Variants in MCU observed in about 807,000 individuals in gnomAD.
MCU encodes the protein calcium uniporter protein, mitochondrial.
Under a neutral mutation model 45.2 loss-of-function variants are expected in MCU, and 12 were observed. The ratio of observed to expected loss-of-function variants is 0.27; its 90% CI spans 0.17 to 0.43. MCU has a LOEUF of 0.43. Ranked by LOEUF, MCU falls within the 20% of genes least tolerant of loss-of-function variation. The pLI is 1.00. For synonymous variants in MCU, 160 were observed against 165.1 expected (o/e 0.97, Z 0.24); for missense variants, 324 against 436.7 (o/e 0.74, Z 2.30).
chr10:72,778,647 A>G (rs1437217364), intron 1 of MCU, among the ~76,000 whole-genome samples: 2 of 152,186 alleles, frequency 1.3e-5, no homozygotes, highest in Non-Finnish European at 2.9e-5. Context: ...TTGTTTTGTA[A>G]TAAACCAATA....
At chr10:72,693,780 T>G (rs1251437196) in intron 1 of MCU, among the ~76,000 whole-genome samples, 1 of 152,250 alleles carries the variant, frequency 6.6e-6, no homozygotes, top group East Asian at 1.9e-4. Context: ...CCTCTAGTTA[T>G]GTGTTTTGTT....
chr10:72,801,903 G>C (rs1188023395), intron 1 of MCU, among the ~76,000 whole-genome samples: 3 of 151,900 alleles, frequency 2.0e-5, no homozygotes, highest in African/African-American at 7.3e-5. Context: ...GAACTCCTGA[G>C]CTCAAGCAAT....
At chr10:72,770,887 T>C (rs897836987) in intron 1 of MCU, among the ~76,000 whole-genome samples, 1 of 152,208 alleles carries the variant, frequency 6.6e-6, no homozygotes, top group Non-Finnish European at 1.5e-5. Flanking sequence ...TAATTGCCTT[T>C]ACTGGAACTC....
intron 1 of MCU, among the ~76,000 whole-genome samples, chr10:72,735,068 T>G (rs1319507457): frequency 1.3e-5 from 2 of 148,980 alleles, no homozygotes; most frequent in African/African-American, 4.9e-5. Flanking sequence ...AGAGTGAGAT[T>G]GTCTCAAAAA....
chr10:72,722,379 T>C (rs1843035437), intron 1 of MCU, among the ~76,000 whole-genome samples: 1 of 150,198 alleles, frequency 6.7e-6, no homozygotes, highest in South Asian at 2.1e-4. Flanking sequence ...TGCCACCTTT[T>C]CCCCTTAACC....
At chr10:72,835,327 G>C (rs2132836096) in intron 2 of MCU, among the ~76,000 whole-genome samples, 1 of 152,244 alleles carries the variant, frequency 6.6e-6, no homozygotes, top group East Asian at 1.9e-4. Context: ...CTCTTACCCG[G>C]TATTGTGCAT....
intron 1 of MCU, among the ~76,000 whole-genome samples, chr10:72,722,589 G>C (rs192419886): frequency 2.0e-5 from 3 of 151,038 alleles, no homozygotes; most frequent in African/African-American, 7.3e-5. Flanking sequence ...TTGAAAACAT[G>C]ATAGCTATAG....
chr10:72,866,108 C>A (rs1014737899), intron 4 of MCU, among the ~76,000 whole-genome samples: 1 of 150,948 alleles, frequency 6.6e-6, no homozygotes, highest in African/African-American at 2.4e-5. Context: ...TAAAGAAAAT[C>A]TTTTTTTCTT....
intron 1 of MCU, among the ~76,000 whole-genome samples, chr10:72,711,056 G>A (rs191599341): frequency 1.3e-5 from 2 of 151,868 alleles, no homozygotes; most frequent in Admixed American, 6.6e-5. Flanking sequence ...GTGGGCGCCT[G>A]TAATCCCAGC....
At position 72,887,413 on chromosome 10, in the gene MCU, C is replaced by G. The variant is rs1449747352; in HGVS notation, c.*1591C>G. On this transcript the variant is annotated 3_prime_UTR_variant, in exon 8 of 8. Transcript: ENST00000373053. ...GCCCACTTCCTTCTCCCTCCACCACCCCCAGTCGTCAGCTCCTTCCCTCAT... is the reference window on the plus strand; with the variant it reads ...GCCCACTTCCTTCTCCCTCCACCACGCCCAGTCGTCAGCTCCTTCCCTCAT... The G allele has an allele frequency of 6.5e-6, 1 of 152,702 alleles. No homozygotes were observed. The highest frequency in any genetic ancestry group is 1.5e-5 in the Non-Finnish European group (1 of 68,022). The allele number at this position is 152,702 out of a possible 1,614,324, so 9.5% of individuals were successfully genotyped here.
At chr10:72,765,178 A>G (rs1352601093) in intron 1 of MCU, among the ~76,000 whole-genome samples, 2 of 151,980 alleles carry the variant, frequency 1.3e-5, no homozygotes, top group Admixed American at 6.6e-5. Context: ...ACCTCGGTCT[A>G]TAAATTCAGT....
At chr10:72,715,060 C>G (rs1048157031) in intron 1 of MCU, 2 of 492,872 alleles carry the variant, frequency 4.1e-6, no homozygotes, top group African/African-American at 4.2e-5. Context: ...TTAGCAGGCT[C>G]AAGAGGGCCT....
At chr10:72,703,050 T>C (rs3009553) in intron 1 of MCU, among the ~76,000 whole-genome samples, 79,485 of 151,708 alleles carry the variant, frequency 0.52, 22,801 homozygotes, top group Non-Finnish European at 0.67. Flanking sequence ...GTCAGCATTC[T>C]GGGCAGCACC....
At chr10:72,742,834 A>G (rs571851351) in intron 1 of MCU, among the ~76,000 whole-genome samples, 1 of 152,242 alleles carries the variant, frequency 6.6e-6, no homozygotes, top group Admixed American at 6.5e-5. Flanking sequence ...TGAAGATGTA[A>G]TTAGAGTGGC....
chr10:72,780,937 C>A (rs773802613), intron 1 of MCU, among the ~76,000 whole-genome samples: 2 of 152,108 alleles, frequency 1.3e-5, no homozygotes, highest in Non-Finnish European at 2.9e-5. Flanking sequence ...AATTTGGTGA[C>A]ATTGTGATAC....
intron 6 of MCU, among the ~76,000 whole-genome samples, chr10:72,874,234 C>T (rs1196678847): frequency 6.6e-6 from 1 of 152,110 alleles, no homozygotes; most frequent in Admixed American, 6.6e-5. Flanking sequence ...TTATTGAATA[C>T]CAGTATCTAG....
intron 1 of MCU, among the ~76,000 whole-genome samples, chr10:72,830,915 G>A (rs1844868812): frequency 6.6e-6 from 1 of 152,172 alleles, no homozygotes; most frequent in Non-Finnish European, 1.5e-5. Context: ...ATTCAACACT[G>A]ATTCTTTCCC....
chr10:72,825,913 G>C (rs1844790994), intron 1 of MCU, among the ~76,000 whole-genome samples: 1 of 152,140 alleles, frequency 6.6e-6, no homozygotes, highest in South Asian at 2.1e-4. Flanking sequence ...CTAGAGATGA[G>C]ACTAGAATCT....
At chr10:72,845,921 A>G (rs1845115195) in intron 2 of MCU, among the ~76,000 whole-genome samples, 1 of 152,184 alleles carries the variant, frequency 6.6e-6, no homozygotes, top group Admixed American at 6.6e-5. Flanking sequence ...AGGTTTGTAT[A>G]CACCATGATC....
Sources: allele counts gnomAD v4.1 joint callset (sites outside exome capture counted in the v4.1 genomes callset), GRCh38; gene constraint gnomAD v4.1.1; transcripts MANE v1.5; gene names NCBI Gene and HGNC (gene_info 2026-07-23, HGNC 2026-07-21).